WDR59: variants seen among roughly 807,000 people sequenced by gnomAD.
The protein encoded by WDR59 is GATOR2 complex protein WDR59.
Under a neutral mutation model 131.2 loss-of-function variants are expected in WDR59, and 100 were observed. The observed-to-expected ratio is 0.76, with a 90% CI of 0.65 to 0.90. The LOEUF is 0.90. Among genes scored for constraint, WDR59 ranks in the 40% least tolerant of loss-of-function variants. The pLI is 0.00. For missense variants in WDR59, 1,203 were observed against 1,262.2 expected (o/e 0.95, Z 0.71); for synonymous variants, 601 against 466.2 (o/e 1.29, Z -3.72).
chr16:74,917,405 T>C (rs943153674), intron 11 of WDR59, among the ~76,000 whole-genome samples: 1 of 152,156 alleles, frequency 6.6e-6, no homozygotes, highest in African/African-American at 2.4e-5. Context: ...GGGAAAGACA[T>C]TTAGAGGCTC....
chr16:74,874,384 C>T lies in WDR59; in HGVS notation c.2750G>A (p.Cys917Tyr). The stretch of plus-strand genomic sequence containing the variant: ...GGCACACTGGAACGTGAAGCCTTTG[C>T]AGATGGCACACTGCGTGCCACGGAC... ...SEVRGTQCAI[C>Y]KGFTFQCAIC... Residue 917 changes from cysteine (C) to tyrosine (Y), a missense_variant, in exon 26 of 26, where the codon TGC becomes TAC. Cys to Tyr is a radical substitution (Grantham distance 194). Coordinates refer to ENST00000262144, the MANE Select transcript of WDR59 (RefSeq NM_030581.4). 1 of 1,614,122 alleles carries T rather than the reference C, an allele frequency of 6.2e-7. No homozygotes were observed. The highest frequency in any genetic ancestry group is 8.5e-7 in the Non-Finnish European group (1 of 1,180,040).
At chr16:74,902,912 T>A (rs1160405224) in intron 18 of WDR59, among the ~76,000 whole-genome samples, 1 of 150,388 alleles carries the variant, frequency 6.6e-6, no homozygotes, top group Non-Finnish European at 1.5e-5. Flanking sequence ...TATAGGAAAG[T>A]GTCCAGAAAA....
chr16:74,889,071 G>A (rs1348171497), intron 21 of WDR59, among the ~76,000 whole-genome samples: 2 of 152,198 alleles, frequency 1.3e-5, no homozygotes, highest in African/African-American at 4.8e-5. Flanking sequence ...ACAAGGAAAC[G>A]GAAGCACGAA....
chr16:74,966,280 G>A (rs1597807667), intron 1 of WDR59, among the ~76,000 whole-genome samples: 1 of 152,216 alleles, frequency 6.6e-6, no homozygotes, highest in East Asian at 1.9e-4. Context: ...AGGAGTTCAA[G>A]ACCAGCTTGG....
intron 24 of WDR59, 73 bp from the exon 25 acceptor site, chr16:74,885,868 T>G: frequency 6.4e-7 from 1 of 1,552,328 alleles, no homozygotes; most frequent in Non-Finnish European, 8.7e-7. Context: ...TGGCACTTAA[T>G]ATACCCTTCT....
At chr16:74,933,130 C>T (rs2031530474) in intron 8 of WDR59, among the ~76,000 whole-genome samples, 1 of 152,040 alleles carries the variant, frequency 6.6e-6, no homozygotes, top group Non-Finnish European at 1.5e-5. Flanking sequence ...TAGCAAGACC[C>T]TACCTCTACA....
intron 3 of WDR59, among the ~76,000 whole-genome samples, chr16:74,955,517 G>A (rs971722942): frequency 9.9e-5 from 15 of 152,166 alleles, no homozygotes; most frequent in Non-Finnish European, 1.6e-4. Flanking sequence ...AGAGTAGAAA[G>A]GCAGGAAGAC....
chr16:74,983,291 A>G (rs2034498886), intron 1 of WDR59, among the ~76,000 whole-genome samples: 1 of 151,938 alleles, frequency 6.6e-6, no homozygotes, highest in South Asian at 2.1e-4. Context: ...TGGCCAACAG[A>G]GCGAAACCCC....
At chr16:74,876,922 C>A (rs975075940) in intron 25 of WDR59, among the ~76,000 whole-genome samples, 2 of 152,128 alleles carry the variant, frequency 1.3e-5, no homozygotes, top group South Asian at 4.2e-4. Flanking sequence ...TTTGGAATAT[C>A]CCTGACAATC....
intron 18 of WDR59, among the ~76,000 whole-genome samples, chr16:74,898,163 T>C (rs944198147): frequency 4.6e-5 from 7 of 152,202 alleles, no homozygotes; most frequent in Admixed American, 4.6e-4. Context: ...GGTAATAACA[T>C]ATGGATTTCT....
intron 25 of WDR59, among the ~76,000 whole-genome samples, chr16:74,881,610 C>A (rs1964485314): frequency 6.6e-6 from 1 of 151,996 alleles, no homozygotes; most frequent in Non-Finnish European, 1.5e-5. Context: ...TGTGGGGGAT[C>A]ATGACTGTAA....
chr16:74,893,565 T>C (rs1965145296), intron 19 of WDR59, 114 bp downstream of exon 19: 1 of 1,165,992 alleles, frequency 8.6e-7, no homozygotes, highest in Admixed American at 2.6e-5. Flanking sequence ...GCTAATACAT[T>C]GGGCTTTTCC....
intron 25 of WDR59, among the ~76,000 whole-genome samples, chr16:74,874,945 A>G (rs28479510): frequency 0.017 from 2,517 of 151,926 alleles, 57 homozygotes; most frequent in African/African-American, 0.055. Context: ...CACTGCACCC[A>G]GCTGCTGAGT....
At chr16:74,954,228 G>A (rs895100038) in intron 3 of WDR59, among the ~76,000 whole-genome samples, 8 of 152,038 alleles carry the variant, frequency 5.3e-5, no homozygotes, top group African/African-American at 1.9e-4. Flanking sequence ...GACCAACACG[G>A]AGAAACCCTG....
intron 1 of WDR59, among the ~76,000 whole-genome samples, chr16:74,970,077 CCA>C (rs1352377601): frequency 6.6e-6 from 1 of 152,130 alleles, no homozygotes; most frequent in African/African-American, 2.4e-5. Flanking sequence ...GCGCATGCCA[CCA>C]CACCCAGCTA....
chr16:74,937,992 A>C (rs939974442), intron 8 of WDR59, among the ~76,000 whole-genome samples, 158 bp downstream of exon 8: 1 of 152,250 alleles, frequency 6.6e-6, no homozygotes, highest in Non-Finnish European at 1.5e-5. Flanking sequence ...TTTGCTGGTC[A>C]GCATAACCAA....
chr16:74,926,005 A>T (rs1456004033), intron 8 of WDR59, among the ~76,000 whole-genome samples: 5 of 23,082 alleles, frequency 2.2e-4, no homozygotes, highest in Admixed American at 9.5e-4. Flanking sequence ...GTTTTTAATA[A>T]AAAAAAAAAA....
intron 8 of WDR59, among the ~76,000 whole-genome samples, chr16:74,931,062 A>G (rs921667169): frequency 2.0e-5 from 3 of 152,018 alleles, no homozygotes; most frequent in African/African-American, 7.2e-5. Context: ...TAGTTTGATA[A>G]TTTGGATTTA....
In WDR59 at chr16:74,934,108, T is replaced by A. The variant is rs1382934181; in HGVS notation, c.651+4042A>T. Among the ~76,000 whole-genome samples the A allele has an allele frequency of 3.9e-5, 6 of 152,322 alleles. No homozygotes were observed. The East Asian group carries it at 1.2e-3, about 29-fold the overall frequency. On this transcript the variant is annotated intron_variant, in intron 8 of 25. Coordinates refer to ENST00000262144, the MANE Select transcript of WDR59 (RefSeq NM_030581.4). ...TGCAGATTTTTAATGAGCTCTACAC[T>A]GTGCATGCCTCCCTATTATCAAATC...
Sources: gnomAD v4.1 joint callset for allele counts (sites outside exome capture counted in the v4.1 genomes callset) on GRCh38, gnomAD v4.1.1 for gene constraint, MANE v1.5 for transcripts, NCBI Gene and HGNC (gene_info 2026-07-23, HGNC 2026-07-21) for gene names.